The following ROBO1 variants were observed in gnomAD, a reference collection of about 807,000 sequenced individuals.
ROBO1 encodes the protein roundabout guidance receptor 1, also known as roundabout homolog 1.
ROBO1 carries 149 observed loss-of-function variants against 195.9 expected under a neutral mutation model. The observed-to-expected ratio is 0.76, with a 90% CI of 0.67 to 0.87. ROBO1 has a LOEUF of 0.87. Ranked by LOEUF, ROBO1 falls within the 40% of genes least tolerant of loss-of-function variation. The probability of loss-of-function intolerance (pLI) is 0.00; values close to 1 mark genes in which losing one functional copy is unlikely to be tolerated. For synonymous variants in ROBO1, 816 were observed against 733.2 expected, an observed-to-expected ratio of 1.11 and a Z score of -1.82; for missense variants, 1,933 against 2,068.3, an observed-to-expected ratio of 0.93 and a Z score of 1.27.
At chr3:78,800,014 T>C (rs1400940859) in intron 4 of ROBO1, among the ~76,000 whole-genome samples, 1 of 152,216 alleles carries the variant, frequency 6.6e-6, no homozygotes, top group Non-Finnish European at 1.5e-5. Flanking sequence ...CAGGGCCTCA[T>C]GACACATTGT....
At position 78,867,587 on chromosome 3, in the gene ROBO1, T is replaced by C. The variant is rs2107097036; in HGVS notation, c.499+71014A>G. 2.0e-5 allele frequency among the ~76,000 whole-genome samples: 3 copies of C among 152,308 alleles called. No homozygotes were observed. In the Middle Eastern group the frequency reaches 0.01, roughly 518 times the overall value. Reference sequence around the variant, plus strand: ...ATGCAGTAGAGTCTTTAAGGGATGTTTTCTTTTACTCAGCTATTTGCTTGG... The same window carrying C: ...ATGCAGTAGAGTCTTTAAGGGATGTCTTCTTTTACTCAGCTATTTGCTTGG... On this transcript the variant is annotated intron_variant, in intron 4 of 30. Coordinates refer to ENST00000464233, the MANE Select transcript of ROBO1 (RefSeq NM_002941.4).
intron 4 of ROBO1, among the ~76,000 whole-genome samples, chr3:78,875,851 T>A (rs1006108850): frequency 3.3e-5 from 5 of 149,528 alleles, no homozygotes; most frequent in Non-Finnish European, 7.4e-5. Flanking sequence ...AAAGGAGTTA[T>A]TAGTAAGTCC....
At chr3:79,027,973 T>C (rs1436878025) in intron 3 of ROBO1, among the ~76,000 whole-genome samples, 2 of 152,048 alleles carry the variant, frequency 1.3e-5, no homozygotes, top group East Asian at 1.9e-4. Context: ...TATACGAAGA[T>C]TTCTAAATAT....
intron 4 of ROBO1, among the ~76,000 whole-genome samples, chr3:78,790,767 G>A (rs896535115): frequency 6.6e-5 from 10 of 152,154 alleles, no homozygotes; most frequent in Non-Finnish European, 1.3e-4. Context: ...TAGGACCCAA[G>A]TTCCTTCATA....
intron 4 of ROBO1, among the ~76,000 whole-genome samples, chr3:78,863,012 A>T (rs2034944777): frequency 6.6e-6 from 1 of 152,246 alleles, no homozygotes; most frequent in African/African-American, 2.4e-5. Context: ...TCCAGTTTTC[A>T]GAAGAAATAA....
intron 21 of ROBO1, among the ~76,000 whole-genome samples, chr3:78,643,065 G>A (rs190021159): frequency 1.5e-4 from 23 of 151,736 alleles, no homozygotes; most frequent in South Asian, 4.2e-4. Flanking sequence ...CCCATTTATC[G>A]ATAAATAAAC....
At chr3:79,190,759 C>T (rs920268397) in intron 2 of ROBO1, among the ~76,000 whole-genome samples, 3 of 151,604 alleles carry the variant, frequency 2.0e-5, no homozygotes, top group African/African-American at 7.3e-5. Context: ...TGTCTCGCAT[C>T]TCTAAGCTTT....
At chr3:79,205,753 G>T (rs1052224223) in intron 2 of ROBO1, among the ~76,000 whole-genome samples, 1 of 152,148 alleles carries the variant, frequency 6.6e-6, no homozygotes. Flanking sequence ...CTACAAAACT[G>T]ATTTCTGGAA....
intron 1 of ROBO1, among the ~76,000 whole-genome samples, chr3:79,754,521 G>A (rs995341511): frequency 1.3e-5 from 2 of 152,306 alleles, no homozygotes; most frequent in East Asian, 3.9e-4. Flanking sequence ...CAAGGTTATA[G>A]GAACCAATGA....
chr3:79,594,899 G>A (rs532788944), intron 1 of ROBO1, among the ~76,000 whole-genome samples: 24 of 151,998 alleles, frequency 1.6e-4, no homozygotes, highest in Non-Finnish European at 3.2e-4. Flanking sequence ...ATTGGCTTAG[G>A]TCTAATTTGC....
intron 1 of ROBO1, among the ~76,000 whole-genome samples, chr3:79,659,031 G>A (rs1487973982): frequency 6.6e-6 from 1 of 151,802 alleles, no homozygotes; most frequent in East Asian, 1.9e-4. Context: ...CACTGCACCC[G>A]GCCCTCTAAA....
At chr3:79,366,564 C>T (rs1361899415) in intron 2 of ROBO1, among the ~76,000 whole-genome samples, 2 of 152,136 alleles carry the variant, frequency 1.3e-5, no homozygotes, top group East Asian at 3.9e-4. Flanking sequence ...TTTTATATGC[C>T]CTCCTTACTC....
intron 2 of ROBO1, among the ~76,000 whole-genome samples, chr3:79,533,708 T>C (rs1451387917): frequency 1.3e-5 from 2 of 152,182 alleles, no homozygotes; most frequent in Non-Finnish European, 2.9e-5. Flanking sequence ...ATCATTAATA[T>C]ATTTTAATCG....
intron 3 of ROBO1, among the ~76,000 whole-genome samples, chr3:78,954,569 C>A (rs2107793144): frequency 6.6e-6 from 1 of 152,080 alleles, no homozygotes; most frequent in East Asian, 1.9e-4. Flanking sequence ...TGTTCACTGA[C>A]AAAGGAGTTT....
chr3:79,423,279 A>G (rs1242350452), intron 2 of ROBO1, among the ~76,000 whole-genome samples: 1 of 152,088 alleles, frequency 6.6e-6, no homozygotes, highest in Non-Finnish European at 1.5e-5. Flanking sequence ...TAGAAAGCCA[A>G]CCCTCCTCAG....
At chr3:79,634,921 A>G (rs1284970850) in intron 1 of ROBO1, among the ~76,000 whole-genome samples, 5 of 152,232 alleles carry the variant, frequency 3.3e-5, no homozygotes, top group Non-Finnish European at 2.9e-5. Context: ...TACAAGAGAA[A>G]ATAATGAGTT....
At chr3:78,881,962 T>G (rs955718990) in intron 4 of ROBO1, among the ~76,000 whole-genome samples, 3 of 152,186 alleles carry the variant, frequency 2.0e-5, no homozygotes, top group Admixed American at 6.6e-5. Context: ...TGAATAGTAA[T>G]AAGTAACACA....
Position 78,717,818 on chromosome 3 carries a change from A to T in ROBO1, c.723T>A (p.Val241=). Residue 241 remains valine (V), a synonymous_variant, in exon 6 of 31, where the codon GTT becomes GTA. Coordinates refer to ENST00000464233, the MANE Select transcript of ROBO1 (RefSeq NM_002941.4). ...RKSDAGKYVC[V]GTNMVGERES... is the part of the protein sequence containing the mutation. Reference sequence around the variant, plus strand: ...CACGTTCCCCAACCATATTGGTACCAACACAAACATATTTGCCAGCGTCAC... The same window carrying T: ...CACGTTCCCCAACCATATTGGTACCTACACAAACATATTTGCCAGCGTCAC... 1 of 1,613,856 alleles carries T rather than the reference A, an allele frequency of 6.2e-7. No homozygotes were observed. The highest frequency in any genetic ancestry group is 8.5e-7 in the Non-Finnish European group (1 of 1,179,774).
chr3:79,456,729 A>G (rs2039630716), intron 2 of ROBO1, among the ~76,000 whole-genome samples: 1 of 152,170 alleles, frequency 6.6e-6, no homozygotes, highest in Admixed American at 6.6e-5. Context: ...TATTCAACAA[A>G]TATTTAATAA....
Sources: allele counts gnomAD v4.1 joint callset (sites outside exome capture counted in the v4.1 genomes callset), GRCh38; gene constraint gnomAD v4.1.1; transcripts MANE v1.5; gene names NCBI Gene and HGNC (gene_info 2026-07-23, HGNC 2026-07-21).